SPMIP2: variants seen among roughly 807,000 people sequenced by gnomAD.
SPMIP2 encodes the protein sperm microtubule inner protein 2, also known as protein SPMIP2.
chr4:159,049,276 C>T, the SPMIP2 span, among the ~76,000 whole-genome samples: 3 of 152,218 alleles, frequency 2.0e-5, no homozygotes, highest in African/African-American at 7.2e-5. Flanking sequence ...TCTGTTCTTT[C>T]GCTGCACACA....
the SPMIP2 span, among the ~76,000 whole-genome samples, chr4:158,894,128 G>T: frequency 6.6e-6 from 1 of 150,918 alleles, no homozygotes; most frequent in African/African-American, 2.4e-5. Context: ...AAAGCCCCCA[G>T]CATGGTTCAA....
At chr4:158,902,198 G>T in the SPMIP2 span, among the ~76,000 whole-genome samples, 1 of 152,054 alleles carries the variant, frequency 6.6e-6, no homozygotes, top group African/African-American at 2.4e-5. Context: ...TGTTGATGTT[G>T]ATGTGGCTGT....
chr4:158,948,777 G>C, the SPMIP2 span, among the ~76,000 whole-genome samples: 33 of 151,780 alleles, frequency 2.2e-4, no homozygotes, highest in African/African-American at 7.7e-4. Flanking sequence ...GCTAATTTTT[G>C]TATTTTTTGT....
the SPMIP2 span, among the ~76,000 whole-genome samples, chr4:158,988,564 G>A: frequency 3.9e-5 from 6 of 152,086 alleles, no homozygotes; most frequent in African/African-American, 1.2e-4. Context: ...TTCATCTCTG[G>A]GATGCAAGGC....
At chr4:159,065,822 A>G in the SPMIP2 span, among the ~76,000 whole-genome samples, 9 of 152,214 alleles carry the variant, frequency 5.9e-5, no homozygotes, top group Non-Finnish European at 7.4e-5. Flanking sequence ...ATTGATTCCA[A>G]GAGTCATTGA....
chr4:159,007,321 CCCAGGCCCT>C, the SPMIP2 span: 5 of 757,034 alleles, frequency 6.6e-6, no homozygotes, highest in Admixed American at 5.4e-5. Context: ...GACATCTCAT[CCCAGGCCCT>C]CCACCCAAGG....
chr4:158,899,510 T>TA, the SPMIP2 span, among the ~76,000 whole-genome samples: 258 of 152,382 alleles, frequency 1.7e-3, no homozygotes, highest in African/African-American at 5.8e-3. Flanking sequence ...GGCTATTAAT[T>TA]ACTGCCTCAA....
At chr4:159,050,622 G>A in the SPMIP2 span, among the ~76,000 whole-genome samples, 5 of 151,942 alleles carry the variant, frequency 3.3e-5, no homozygotes, top group African/African-American at 1.2e-4. Flanking sequence ...GGGCAACATG[G>A]CTAAACCCCA....
At chr4:159,011,753 CCA>C in the SPMIP2 span, among the ~76,000 whole-genome samples, 15 of 129,624 alleles carry the variant, frequency 1.2e-4, no homozygotes, top group African/African-American at 1.7e-4. Context: ...AAACTCCATC[CCA>C]AAAAAAAAAA....
At chr4:159,061,792 C>A in the SPMIP2 span, among the ~76,000 whole-genome samples, 4 of 143,190 alleles carry the variant, frequency 2.8e-5, no homozygotes, top group Non-Finnish European at 3.0e-5. Flanking sequence ...GCCTGGGCGA[C>A]AGAGCGAGAC....
chr4:159,046,675 C>T, the SPMIP2 span, among the ~76,000 whole-genome samples: 499 of 152,302 alleles, frequency 3.3e-3, no homozygotes, highest in African/African-American at 0.01. Flanking sequence ...CTGGTTCCAG[C>T]GATTCTCCTG....
the SPMIP2 span, chr4:158,895,616 G>A: frequency 1.6e-6 from 1 of 618,482 alleles, no homozygotes. Context: ...GATGGCTTGT[G>A]ATTTTTTAAG....
the SPMIP2 span, among the ~76,000 whole-genome samples, chr4:159,054,239 T>G: frequency 2.0e-5 from 3 of 152,152 alleles, no homozygotes; most frequent in Non-Finnish European, 4.4e-5. Flanking sequence ...CGCCTTGACC[T>G]CCCAAAGTGT....
chr4:158,958,917 C>T, the SPMIP2 span, among the ~76,000 whole-genome samples: 1 of 152,178 alleles, frequency 6.6e-6, no homozygotes, highest in African/African-American at 2.4e-5. Flanking sequence ...CTATAATTTT[C>T]TAAATATTAT....
chr4:159,061,832 AT>A, the SPMIP2 span, among the ~76,000 whole-genome samples: 3 of 151,362 alleles, frequency 2.0e-5, no homozygotes, highest in Admixed American at 6.6e-5. Context: ...AAAAAAAAAG[AT>A]AGAGCTGAAA....
chr4:159,013,463 G>A, the SPMIP2 span, among the ~76,000 whole-genome samples: 8 of 152,202 alleles, frequency 5.3e-5, no homozygotes, highest in African/African-American at 1.7e-4. Flanking sequence ...TCAAGTTGCT[G>A]TTAGGGTTGG....
the SPMIP2 span, among the ~76,000 whole-genome samples, chr4:159,067,793 G>C: frequency 6.6e-6 from 1 of 151,964 alleles, no homozygotes; most frequent in Admixed American, 6.6e-5. Context: ...AATCTATAAT[G>C]AACTCAAACA....
At chr4:158,897,734 A>G in the SPMIP2 span, among the ~76,000 whole-genome samples, 1 of 152,188 alleles carries the variant, frequency 6.6e-6, no homozygotes, top group East Asian at 1.9e-4. Flanking sequence ...GATTCTGGAT[A>G]TTAGCCCTTT....
the SPMIP2 span, among the ~76,000 whole-genome samples, chr4:158,895,497 T>C: frequency 6.6e-6 from 1 of 152,190 alleles, no homozygotes; most frequent in South Asian, 2.1e-4. Flanking sequence ...ATGAAAAAAA[T>C]ACTTGTTTAA....
Sources: gnomAD v4.1 joint callset for allele counts (sites outside exome capture counted in the v4.1 genomes callset) on GRCh38, gnomAD v4.1.1 for gene constraint, MANE v1.5 for transcripts, NCBI Gene and HGNC (gene_info 2026-07-23, HGNC 2026-07-21) for gene names.